Variants in ZNF804B observed in about 807,000 individuals in gnomAD.
ZNF804B encodes the protein zinc finger protein 804B.
Under a neutral mutation model 101.4 loss-of-function variants are expected in ZNF804B, and 80 were observed. That is an observed-to-expected ratio of 0.79 (90% CI 0.66 to 0.95). ZNF804B has a LOEUF of 0.95. Among genes scored for constraint, ZNF804B ranks in the 40% least tolerant of loss-of-function variants. The probability of loss-of-function intolerance (pLI) is 0.00; values close to 1 mark genes in which losing one functional copy is unlikely to be tolerated. For missense variants in ZNF804B, 1,673 were observed against 1,561.9 expected, an observed-to-expected ratio of 1.07 and a Z score of -1.20; for synonymous variants, 622 against 558.8, an observed-to-expected ratio of 1.11 and a Z score of -1.59.
At chr7:89,106,614 C>G (rs992458804) in intron 1 of ZNF804B, among the ~76,000 whole-genome samples, 8 of 152,086 alleles carry the variant, frequency 5.3e-5, no homozygotes, top group Admixed American at 2.6e-4. Flanking sequence ...AGAAGCCATT[C>G]TTTAAGAAAG....
chr7:89,016,731 G>T (rs950151876), intron 1 of ZNF804B, among the ~76,000 whole-genome samples: 9 of 152,198 alleles, frequency 5.9e-5, no homozygotes, highest in African/African-American at 2.2e-4. Context: ...TGCTGTTTTG[G>T]TTACTGTAGC....
In ZNF804B at chr7:89,001,353, CCTTTT is replaced by C. The variant is rs145858700; in HGVS notation, c.109-216796_109-216792del. On this transcript the variant is annotated intron_variant, in intron 1 of 3. Coordinates refer to ENST00000333190, the MANE Select transcript of ZNF804B (RefSeq NM_181646.5). ...ATGAATATATTCTTTTTTTTCCTTT[CCTTTT>C]CTTTTTTTTTTAAAAGCTAAATGAA... 8.8e-3 allele frequency among the ~76,000 whole-genome samples: 1,329 copies of C among 150,536 alleles called. 16 individuals are homozygous for C. The highest frequency in any genetic ancestry group is 0.031 in the African/African-American group (1,271 of 41,122).
intron 1 of ZNF804B, among the ~76,000 whole-genome samples, chr7:89,044,384 G>A (rs1346191914): frequency 3.3e-5 from 5 of 152,212 alleles, no homozygotes; most frequent in Admixed American, 6.5e-5. Flanking sequence ...GCATGAGAAC[G>A]GACTAATACA....
chr7:89,228,745 C>A (rs1293749318), intron 2 of ZNF804B, among the ~76,000 whole-genome samples: 4 of 152,228 alleles, frequency 2.6e-5, no homozygotes, highest in Admixed American at 2.6e-4. Flanking sequence ...GAGCTGCCTG[C>A]CAGTCCTGCA....
At chr7:88,987,994 C>T (rs1793788528) in intron 1 of ZNF804B, among the ~76,000 whole-genome samples, 1 of 151,732 alleles carries the variant, frequency 6.6e-6, no homozygotes, top group South Asian at 2.1e-4. Flanking sequence ...TTCTTCTCAG[C>T]CTCTAATAAC....
intron 2 of ZNF804B, among the ~76,000 whole-genome samples, chr7:89,299,837 A>C (rs569111850): frequency 1.7e-4 from 26 of 152,142 alleles, no homozygotes; most frequent in African/African-American, 5.5e-4. Flanking sequence ...TTCTTATTCT[A>C]TAAAAATAGA....
intron 2 of ZNF804B, among the ~76,000 whole-genome samples, chr7:89,274,233 A>G (rs1332589192): frequency 6.9e-6 from 1 of 145,672 alleles, no homozygotes; most frequent in African/African-American, 2.6e-5. Flanking sequence ...ATATGTATAC[A>G]TGTGCCATGC....
At chr7:88,887,282 GTTGT>G (rs1792142964) in intron 1 of ZNF804B, among the ~76,000 whole-genome samples, 1 of 86,818 alleles carries the variant, frequency 1.2e-5, no homozygotes, top group African/African-American at 6.6e-5. Flanking sequence ...TTTTAATGGG[GTTGT>G]TTTTCTCTTG....
intron 1 of ZNF804B, among the ~76,000 whole-genome samples, chr7:88,857,478 T>C (rs1226338658): frequency 6.6e-6 from 1 of 152,026 alleles, no homozygotes; most frequent in Non-Finnish European, 1.5e-5. Context: ...GAGAATACTA[T>C]CAACAACTCT....
At chr7:89,329,989 T>G (rs1007613848) in intron 3 of ZNF804B, among the ~76,000 whole-genome samples, 1 of 151,690 alleles carries the variant, frequency 6.6e-6, no homozygotes, top group East Asian at 1.9e-4. Flanking sequence ...AAATGTGCAT[T>G]TGTTAAGCTG....
chr7:88,922,855 C>G (rs1475327557), intron 1 of ZNF804B, among the ~76,000 whole-genome samples: 1 of 151,772 alleles, frequency 6.6e-6, no homozygotes, highest in Non-Finnish European at 1.5e-5. Flanking sequence ...CAATATATAG[C>G]CTTTCAATAA....
intron 1 of ZNF804B, among the ~76,000 whole-genome samples, chr7:88,845,796 G>A (rs114359164): frequency 0.011 from 1,739 of 152,186 alleles, 30 homozygotes; most frequent in African/African-American, 0.039. Context: ...TGGTATAATT[G>A]TTTTCCTCCC....
In ZNF804B at chr7:89,098,353, C is replaced by T. The variant is rs560504125; in HGVS notation, c.109-119802C>T. On this transcript the variant is annotated intron_variant, in intron 1 of 3. Transcript: ENST00000333190. ...GTGGTATGATCTTGACTCACTGCAA[C>T]CTCTGCCTCCCGGGGTTCAAGCAAT... Among the ~76,000 whole-genome samples the T allele has an allele frequency of 3.3e-5, 5 of 151,614 alleles. No individual in the cohort carries two copies. The East Asian group carries it at 9.7e-4, about 29-fold the overall frequency.
intron 1 of ZNF804B, among the ~76,000 whole-genome samples, chr7:88,917,486 C>G (rs1792653681): frequency 1.3e-5 from 2 of 152,036 alleles, no homozygotes; most frequent in African/African-American, 4.8e-5. Context: ...ATATTTTGGT[C>G]TGGTACACTA....
intron 1 of ZNF804B, among the ~76,000 whole-genome samples, chr7:88,995,724 A>G (rs1001445602): frequency 8.5e-5 from 13 of 152,058 alleles, no homozygotes; most frequent in Non-Finnish European, 1.6e-4. Context: ...GTAACTTCAC[A>G]GTAGAGAAAC....
chr7:88,991,551 A>G (rs1403669890), intron 1 of ZNF804B, among the ~76,000 whole-genome samples: 1 of 152,154 alleles, frequency 6.6e-6, no homozygotes, highest in Non-Finnish European at 1.5e-5. Context: ...TGTGTTCTTC[A>G]ACCAGTTTCT....
intron 1 of ZNF804B, among the ~76,000 whole-genome samples, chr7:88,948,601 C>G (rs1346354297): frequency 6.6e-6 from 1 of 151,852 alleles, no homozygotes; most frequent in Non-Finnish European, 1.5e-5. Context: ...TGCCACCAGC[C>G]TGCTCCTGCT....
intron 1 of ZNF804B, among the ~76,000 whole-genome samples, chr7:88,951,095 C>A (rs900748718): frequency 2.0e-5 from 3 of 151,806 alleles, no homozygotes; most frequent in African/African-American, 7.2e-5. Context: ...GGAATTTGTG[C>A]AATTTCTCCA....
chr7:89,055,352 C>G (rs1789274007), intron 1 of ZNF804B, among the ~76,000 whole-genome samples: 1 of 152,012 alleles, frequency 6.6e-6, no homozygotes, highest in Admixed American at 6.6e-5. Context: ...CAATGAGAAG[C>G]CAAAGGGCTG....
Sources: gnomAD v4.1 joint callset for allele counts (sites outside exome capture counted in the v4.1 genomes callset) on GRCh38, gnomAD v4.1.1 for gene constraint, MANE v1.5 for transcripts, NCBI Gene and HGNC (gene_info 2026-07-23, HGNC 2026-07-21) for gene names.